The following BICD1 variants were observed in gnomAD, a reference collection of about 807,000 sequenced individuals.
BICD1 encodes the protein BICD cargo adaptor 1.
In BICD1, 35 loss-of-function variants were observed where a neutral mutation model predicts 92.5. That is an observed-to-expected ratio of 0.38 (90% CI 0.29 to 0.50). The LOEUF (loss-of-function observed/expected upper bound fraction) is 0.50. Ranked by LOEUF, BICD1 falls within the 20% of genes least tolerant of loss-of-function variation. The pLI is 0.93. For missense variants in BICD1, 950 were observed against 1,189.8 expected (o/e 0.80, Z 2.97); for synonymous variants, 429 against 465.1 (o/e 0.92, Z 1.00).
At chr12:32,275,727 G>T (rs949467181) in intron 2 of BICD1, among the ~76,000 whole-genome samples, 3 of 150,842 alleles carry the variant, frequency 2.0e-5, no homozygotes, top group African/African-American at 7.5e-5. Context: ...ATCCGGCAGG[G>T]TGTCCGCTGT....
At chr12:32,358,554 T>C (rs1269703779) in intron 8 of BICD1, among the ~76,000 whole-genome samples, 2 of 151,884 alleles carry the variant, frequency 1.3e-5, no homozygotes, top group African/African-American at 4.8e-5. Context: ...CTGGCCAACA[T>C]GGCGAAACCC....
At chr12:32,269,196 T>A (rs1050997332) in intron 2 of BICD1, among the ~76,000 whole-genome samples, 1 of 152,176 alleles carries the variant, frequency 6.6e-6, no homozygotes, top group Non-Finnish European at 1.5e-5. Context: ...TAAATAGTAG[T>A]ATATATTAAT....
intron 2 of BICD1, among the ~76,000 whole-genome samples, chr12:32,221,820 G>C (rs943285583): frequency 6.6e-6 from 1 of 152,146 alleles, no homozygotes. Context: ...ATAATAGGCA[G>C]AGTGAAGAAA....
intron 1 of BICD1, among the ~76,000 whole-genome samples, chr12:32,205,350 G>T (rs1412885575): frequency 6.6e-6 from 1 of 152,010 alleles, no homozygotes; most frequent in Non-Finnish European, 1.5e-5. Context: ...TTTTTAAAAA[G>T]CTCCCCAAGT....
chr12:32,269,996 C>CCT (rs1298749759), intron 2 of BICD1, among the ~76,000 whole-genome samples: 1 of 151,682 alleles, frequency 6.6e-6, no homozygotes, highest in East Asian at 1.9e-4. Context: ...GTGGCACGTA[C>CCT]CTATAGTCCC....
intron 9 of BICD1, 130 bp downstream of exon 9, chr12:32,367,875 CAT>C: frequency 1.3e-6 from 1 of 793,398 alleles, no homozygotes; most frequent in East Asian, 2.7e-5. Flanking sequence ...GTGTGGGCTA[CAT>C]AGACACACAT....
intron 2 of BICD1, among the ~76,000 whole-genome samples, chr12:32,218,782 A>G (rs899356800): frequency 1.3e-5 from 2 of 152,228 alleles, no homozygotes; most frequent in African/African-American, 2.4e-5. Flanking sequence ...CCAATAATGT[A>G]TTTGTTAATG....
intron 3 of BICD1, among the ~76,000 whole-genome samples, chr12:32,298,238 A>G (rs1434920215): frequency 1.3e-5 from 2 of 151,868 alleles, no homozygotes; most frequent in African/African-American, 2.4e-5. Flanking sequence ...TCTAATATGA[A>G]ACATTTCCTC....
chr12:32,145,442 A>G (rs1021574145), intron 1 of BICD1, among the ~76,000 whole-genome samples: 1 of 152,168 alleles, frequency 6.6e-6, no homozygotes, highest in Non-Finnish European at 1.5e-5. Flanking sequence ...TCAATTAGTT[A>G]TCAGGTACTA....
chr12:32,228,289 T>C (rs1462943269), intron 2 of BICD1: 2 of 152,294 alleles, frequency 1.3e-5, no homozygotes, highest in African/African-American at 4.8e-5. Context: ...AAAAGACTAC[T>C]CTTTCTCCAT....
intron 3 of BICD1, among the ~76,000 whole-genome samples, chr12:32,299,927 G>C (rs1407951094): frequency 6.6e-6 from 1 of 152,152 alleles, no homozygotes; most frequent in Non-Finnish European, 1.5e-5. Flanking sequence ...TTTCTGTGAA[G>C]GGCCAGATAG....
In BICD1 at chr12:32,298,536, G is replaced by C. The variant is rs528348093; in HGVS notation, c.579+4390G>C. 2.2e-3 allele frequency among the ~76,000 whole-genome samples: 309 copies of C among 140,166 alleles called. 2 individuals carry two copies. Among genetic ancestry groups the C allele is most frequent in the African/African-American group, 8.1e-3 (297 of 36,518 alleles). The allele number at this position is 140,166 out of a possible 152,430, so 92.0% of individuals were successfully genotyped here. On this transcript the variant is annotated intron_variant, in intron 3 of 9. Coordinates refer to ENST00000652176, the MANE Select transcript of BICD1 (RefSeq NM_001714.4). Reference sequence around the variant, plus strand: ...GCCGAGATCACGCCACTGCACTGCAGCCTGGGTGACACAGTGAGACTCCGA... The same window carrying C: ...GCCGAGATCACGCCACTGCACTGCACCCTGGGTGACACAGTGAGACTCCGA...
chr12:32,298,376 A>G (rs994768194), intron 3 of BICD1, among the ~76,000 whole-genome samples: 1 of 151,680 alleles, frequency 6.6e-6, no homozygotes, highest in Admixed American at 6.6e-5. Context: ...TCTGGCCAAC[A>G]TAGTGAAACC....
At chr12:32,368,523 C>T (rs1446537977) in intron 9 of BICD1, among the ~76,000 whole-genome samples, 3 of 151,800 alleles carry the variant, frequency 2.0e-5, no homozygotes, top group Non-Finnish European at 2.9e-5. Context: ...GGTGAAACCC[C>T]GTCTCTACTA....
chr12:32,339,942 G>A, intron 8 of BICD1: 1 of 816,398 alleles, frequency 1.2e-6, no homozygotes, highest in Non-Finnish European at 1.5e-6. Context: ...ACCTGTTGGA[G>A]CTCTGTAGTG....
intron 1 of BICD1, among the ~76,000 whole-genome samples, chr12:32,191,871 C>A (rs1374968882): frequency 1.3e-5 from 2 of 151,906 alleles, no homozygotes; most frequent in African/African-American, 2.4e-5. Flanking sequence ...TTCTGACTGG[C>A]CTTTCCCTCT....
intron 4 of BICD1, among the ~76,000 whole-genome samples, chr12:32,315,024 T>C (rs1237964076): frequency 6.6e-6 from 1 of 152,220 alleles, no homozygotes; most frequent in African/African-American, 2.4e-5. Flanking sequence ...TACAAAACTG[T>C]TGTCTAATCT....
In BICD1 at chr12:32,338,782, C is replaced by A; in HGVS notation, c.2571-4C>A. On this transcript the variant is annotated splice_polypyrimidine_tract_variant and splice_region_variant and intron_variant, in intron 7 of 9. Transcript: ENST00000652176. ...ATATGTATTTTTCTTGGATCTCCTG[C>A]AAGACAATTTTCACCTTCCCTTTGT... 1 of 1,568,518 alleles carries A rather than the reference C, an allele frequency of 6.4e-7. No homozygotes were observed. Among genetic ancestry groups the A allele is most frequent in the Admixed American group, 2.0e-5 (1 of 49,146 alleles).
chr12:32,216,272 A>G lies in BICD1; in HGVS notation c.239A>G (p.His80Arg), dbSNP rs199513734. 30 of 1,613,664 alleles carry G rather than the reference A, an allele frequency of 1.9e-5. No homozygotes were observed. In the Admixed American group the frequency reaches 3.7e-4, roughly 20 times the overall value. ...GCATTTGGGCAGTCCTTCTCCATCC[A>G]CCGGAAGGTTGCTGAAGATGGAGAG... is the stretch of plus-strand genomic sequence containing the variant. The part of the protein sequence containing the change: ...KEAFGQSFSI[H>R]RKVAEDGETR... Residue 80 changes from histidine to arginine, a missense_variant, in exon 2 of 10, where the codon CAC becomes CGC. Around this residue, in one of 5 missense-constraint regions of BICD1, gnomAD observed 202 missense variants for 205.3 expected, o/e 0.98. Transcript: ENST00000652176.
Sources: allele counts gnomAD v4.1 joint callset (sites outside exome capture counted in the v4.1 genomes callset), GRCh38; gene constraint gnomAD v4.1.1; regional missense constraint gnomAD v4.1.1; transcripts MANE v1.5; gene names NCBI Gene and HGNC (gene_info 2026-07-23, HGNC 2026-07-21).